ENOX1: variants seen among roughly 807,000 people sequenced by gnomAD.
The protein encoded by ENOX1 is ecto-NOX disulfide-thiol exchanger 1.
A neutral mutation model predicts 82.5 loss-of-function variants in ENOX1; 42 were observed. The ratio of observed to expected loss-of-function variants is 0.51; its 90% CI spans 0.40 to 0.66. ENOX1 has a LOEUF of 0.66. ENOX1 is among the 30% of genes least tolerant of loss of function. The pLI, the probability that ENOX1 is intolerant of heterozygous loss-of-function variation, is 0.00. For missense variants in ENOX1, 608 were observed against 811.6 expected (o/e 0.75, Z 3.05); for synonymous variants, 271 against 282.2 (o/e 0.96, Z 0.40).
chr13:43,333,768 G>A (rs148668745), intron 9 of ENOX1, among the ~76,000 whole-genome samples: 2,106 of 152,288 alleles, frequency 0.014, 21 homozygotes, highest in Non-Finnish European at 0.021. Flanking sequence ...TATTACAGGT[G>A]CGCACCACCA....
At chr13:43,399,080 C>G (rs752008198) in intron 5 of ENOX1, among the ~76,000 whole-genome samples, 10 of 151,544 alleles carry the variant, frequency 6.6e-5, no homozygotes, top group Non-Finnish European at 1.2e-4. Context: ...AGGCACTGGG[C>G]CCAGCCCCTT....
chr13:43,439,425 C>T (rs1445854301), intron 3 of ENOX1, among the ~76,000 whole-genome samples: 2 of 152,068 alleles, frequency 1.3e-5, no homozygotes, highest in Non-Finnish European at 2.9e-5. Flanking sequence ...TGGTCTCGAG[C>T]TCCTGACCTC....
At chr13:43,255,806 T>A (rs2043713543) in intron 14 of ENOX1, among the ~76,000 whole-genome samples, 1 of 152,102 alleles carries the variant, frequency 6.6e-6, no homozygotes, top group Non-Finnish European at 1.5e-5. Flanking sequence ...TGCCTATGGA[T>A]TGGAAGAAGT....
chr13:43,289,740 T>G (rs1259255977), intron 12 of ENOX1, among the ~76,000 whole-genome samples: 1 of 152,102 alleles, frequency 6.6e-6, no homozygotes, highest in Non-Finnish European at 1.5e-5. Flanking sequence ...CTAATTAAAC[T>G]AAAGAGCTTC....
chr13:43,542,544 T>C (rs896703294), intron 2 of ENOX1, among the ~76,000 whole-genome samples: 1 of 149,930 alleles, frequency 6.7e-6, no homozygotes, highest in Admixed American at 6.7e-5. Context: ...CAAGCAATTC[T>C]CAGGCCTCAG....
chr13:43,243,008 T>A (rs1417296901), intron 14 of ENOX1, among the ~76,000 whole-genome samples: 1 of 151,958 alleles, frequency 6.6e-6, no homozygotes, highest in African/African-American at 2.4e-5. Flanking sequence ...TGGTAGTGCA[T>A]GTCTGTAGTC....
At chr13:43,784,444 T>C (rs1566924107) in intron 1 of ENOX1, among the ~76,000 whole-genome samples, 1 of 152,220 alleles carries the variant, frequency 6.6e-6, no homozygotes, top group Non-Finnish European at 1.5e-5. Context: ...AGCAATCCTG[T>C]CTACTTATAT....
chr13:43,641,429 C>CT, intron 2 of ENOX1, among the ~76,000 whole-genome samples: 1 of 152,174 alleles, frequency 6.6e-6, no homozygotes, highest in Non-Finnish European at 1.5e-5. Flanking sequence ...AGGTATGATC[C>CT]TGCCCCCAAG....
intron 2 of ENOX1, among the ~76,000 whole-genome samples, chr13:43,653,449 CA>C (rs1336698138): frequency 6.6e-6 from 1 of 152,094 alleles, no homozygotes; most frequent in African/African-American, 2.4e-5. Context: ...TATATTTCTT[CA>C]AAGTATTAAT....
chr13:43,710,919 AATT>A (rs1010925261), intron 1 of ENOX1, among the ~76,000 whole-genome samples: 12 of 151,876 alleles, frequency 7.9e-5, no homozygotes, highest in African/African-American at 2.4e-4. Context: ...TGGTTTTTTA[AATT>A]ATTATTATTA....
intron 3 of ENOX1, among the ~76,000 whole-genome samples, chr13:43,461,236 G>C (rs1462094613): frequency 6.6e-6 from 1 of 152,208 alleles, no homozygotes; most frequent in African/African-American, 2.4e-5. Flanking sequence ...GGCCTAGCAA[G>C]AGCTGTTTAA....
At chr13:43,593,502 C>T (rs979955143) in intron 2 of ENOX1, among the ~76,000 whole-genome samples, 1 of 144,502 alleles carries the variant, frequency 6.9e-6, no homozygotes, top group Non-Finnish European at 1.6e-5. Context: ...AGAAGCCCTT[C>T]GAAGCTCACC....
rs146351505 is a variant in ENOX1 at position 43,596,261 on chromosome 13, G to A, written c.-219+71218C>T. 1.6e-4 allele frequency among the ~76,000 whole-genome samples: 24 copies of A among 152,326 alleles called. No homozygotes were observed. In the East Asian group the frequency reaches 4.6e-3, roughly 29 times the overall value. ...GGAGCTTTTCACTACCATGACAACTGAAGTGTACTGTTGCTCAAATAGTTC... is the reference window on the plus strand; with the variant it reads ...GGAGCTTTTCACTACCATGACAACTAAAGTGTACTGTTGCTCAAATAGTTC... On this transcript the variant is annotated intron_variant, in intron 2 of 16. Coordinates refer to ENST00000690772, the MANE Select transcript of ENOX1 (RefSeq NM_001347969.2).
intron 5 of ENOX1, among the ~76,000 whole-genome samples, chr13:43,379,641 A>G (rs2051891910): frequency 6.6e-6 from 1 of 152,112 alleles, no homozygotes; most frequent in African/African-American, 2.4e-5. Context: ...AAAAAAGACA[A>G]CAACAAAATG....
At chr13:43,756,480 G>A (rs1237768925) in intron 1 of ENOX1, among the ~76,000 whole-genome samples, 1 of 133,098 alleles carries the variant, frequency 7.5e-6, no homozygotes, top group African/African-American at 2.8e-5. Flanking sequence ...GGGGAGGGGA[G>A]GGGAAGGGGA....
chr13:43,282,500 T>C (rs1267824009), intron 12 of ENOX1, among the ~76,000 whole-genome samples: 1 of 151,450 alleles, frequency 6.6e-6, no homozygotes, highest in African/African-American at 2.4e-5. Context: ...CAGGCTGGAA[T>C]GCAGTGGCTC....
intron 9 of ENOX1, among the ~76,000 whole-genome samples, chr13:43,327,628 C>G (rs2048185903): frequency 6.6e-6 from 1 of 152,134 alleles, no homozygotes; most frequent in Admixed American, 6.5e-5. Flanking sequence ...TTCTAACACC[C>G]CATCAACATA....
At chr13:43,595,697 T>C (rs1480985482) in intron 2 of ENOX1, among the ~76,000 whole-genome samples, 6 of 152,198 alleles carry the variant, frequency 3.9e-5, no homozygotes, top group Admixed American at 3.9e-4. Flanking sequence ...CCTATAAAAT[T>C]AAAACACTAG....
intron 2 of ENOX1, chr13:43,543,913 C>CTTTTTTTTTTTTTTTTTTTTTTTTTT (rs11324994): frequency 1.0e-5 from 1 of 97,432 alleles, no homozygotes; most frequent in Non-Finnish European, 2.0e-5. Flanking sequence ...TTTTCTTTTT[C>CTTTTTTTTTTTTTTTTTTTTTTTTTT]TTTTTTTTTT....
Sources: allele counts gnomAD v4.1 joint callset (sites outside exome capture counted in the v4.1 genomes callset), GRCh38; gene constraint gnomAD v4.1.1; transcripts MANE v1.5; gene names NCBI Gene and HGNC (gene_info 2026-07-23, HGNC 2026-07-21).